The following ZFPM1 variants were observed in gnomAD, a reference collection of about 807,000 sequenced individuals.
ZFPM1 encodes zinc finger protein ZFPM1.
A neutral mutation model predicts 46.3 loss-of-function variants in ZFPM1; 28 were observed. That is an observed-to-expected ratio of 0.60 (90% CI 0.45 to 0.83). ZFPM1 has a LOEUF of 0.83. ZFPM1 is among the 40% of genes least tolerant of loss of function. The pLI is 0.00. For synonymous variants in ZFPM1, 957 were observed against 675.9 expected (o/e 1.42, Z -6.45); for missense variants, 1,878 against 1,432.4 (o/e 1.31, Z -5.02).
intron 4 of ZFPM1, among the ~76,000 whole-genome samples, chr16:88,521,369 G>A (rs77953529): frequency 1.0e-3 from 159 of 152,080 alleles, no homozygotes; most frequent in African/African-American, 2.9e-3. Flanking sequence ...AGGCTCTGGG[G>A]CTCCCTGCAT....
At chr16:88,484,495 T>TGCTGTGACCATGGG (rs1909108962) in intron 1 of ZFPM1, among the ~76,000 whole-genome samples, 1 of 152,220 alleles carries the variant, frequency 6.6e-6, no homozygotes, top group Non-Finnish European at 1.5e-5. Flanking sequence ...TTCATTATTC[T>TGCTGTGACCATGGG]GCTGTGACCA....
chr16:88,515,025 C>T (rs924786812), intron 4 of ZFPM1, among the ~76,000 whole-genome samples: 1 of 152,232 alleles, frequency 6.6e-6, no homozygotes, highest in African/African-American at 2.4e-5. Context: ...CCTTCCAAGG[C>T]AGCCCCTTGC....
intron 1 of ZFPM1, among the ~76,000 whole-genome samples, chr16:88,481,320 C>T (rs1216748129): frequency 2.0e-5 from 3 of 152,126 alleles, no homozygotes; most frequent in Non-Finnish European, 4.4e-5. Flanking sequence ...GCAGGTGGTC[C>T]CAGGGCGAGG....
At chr16:88,517,242 G>GGA (rs1170097833) in intron 4 of ZFPM1, among the ~76,000 whole-genome samples, 929 of 56,892 alleles carry the variant, frequency 0.016, 20 homozygotes, top group Admixed American at 0.042. Context: ...GGGTGGGTGG[G>GGA]TGGATGGATG....
chr16:88,507,264 G>T (rs376170230), intron 3 of ZFPM1, among the ~76,000 whole-genome samples: 1 of 152,098 alleles, frequency 6.6e-6, no homozygotes, highest in African/African-American at 2.4e-5. Flanking sequence ...CAGGAGAAAC[G>T]GTCCCCATCA....
chr16:88,534,492 CGCCCGGCGCGCTCGGCCT>C lies in ZFPM1; in HGVS notation c.2540_2557del (p.Gly847_Pro852del). 1 of 1,466,560 alleles carries C rather than the reference CGCCCGGCGCGCTCGGCCT, an allele frequency of 6.8e-7. No individual in the cohort carries two copies. The allele number at this position is 1,466,560 out of a possible 1,614,324, so 90.8% of individuals were successfully genotyped here. A position where few individuals can be genotyped will look rare whatever the true frequency, so the allele number is the denominator to read the frequency against. On this transcript the variant is annotated inframe_deletion, in exon 10 of 10. Transcript: ENST00000319555. The stretch of plus-strand genomic sequence containing the variant: ...AAGTACTCGTGCCCCGCTGCGCCAC[CGCCCGGCGCGCTCGGCCT>C]GCCCGCCGCCGCCTGCCCCTACTGC...
intron 1 of ZFPM1, among the ~76,000 whole-genome samples, chr16:88,475,230 C>T (rs867842740): frequency 7.9e-5 from 12 of 152,366 alleles, no homozygotes; most frequent in African/African-American, 1.4e-4. Flanking sequence ...CGAGGGTGCC[C>T]TGGCTTCAGC....
Position 88,532,595 on chromosome 16 carries a change from T to TA in ZFPM1, c.947-18dup, listed in dbSNP as rs1912878539. Reference sequence around the variant, plus strand: ...GTTAAGCTGGCCCGGGCACCGCTCTTACGCGCCCTGTGTTCCAGGAGAGCG... The same window carrying TA: ...GTTAAGCTGGCCCGGGCACCGCTCTTAACGCGCCCTGTGTTCCAGGAGAGCG... On this transcript the variant is annotated intron_variant, in intron 7 of 9. Coordinates refer to ENST00000319555, the MANE Select transcript of ZFPM1 (RefSeq NM_153813.3). 9.0e-6 allele frequency: 14 copies of TA among 1,552,794 alleles called. No individual in the cohort carries two copies. Among genetic ancestry groups the TA allele is most frequent in the Non-Finnish European group, 1.2e-5 (14 of 1,147,934 alleles).
In ZFPM1 at chr16:88,493,100, CGG is replaced by C. The variant is rs1567537429; in HGVS notation, c.268+3950_268+3951del. Among the ~76,000 whole-genome samples, 175 of 113,836 alleles carry C rather than the reference CGG, an allele frequency of 1.5e-3. 2 individuals are homozygous for C. The highest frequency in any genetic ancestry group is 6.0e-3 in the African/African-American group (170 of 28,442). 74.7% of individuals were successfully genotyped at this position (113,836 alleles called of 152,430 possible). ...GGGTGCGGGGAGCTGTCCCGGGGTG[CGG>C]GGAGCTGTCCCGGGGTGGGGGGAGC... On this transcript the variant is annotated intron_variant, in intron 3 of 9. Transcript: ENST00000319555.
In ZFPM1 at chr16:88,453,553, CCCGCGGCCCCG is replaced by C. The variant is rs1305943704; in HGVS notation, c.-80_-70del. On this transcript the variant is annotated 5_prime_UTR_variant, in exon 1 of 10. An upstream open reading frame in the 5' UTR loses its in-frame stop. Transcript: ENST00000319555. ...ACCGGGGGCCGGGGGCATGAGCGGC[CCCGCGGCCCCG>C]CCGCGCCCCCGCCGCCCGCCGCCGC... 3.0e-5 allele frequency: 21 copies of C among 704,956 alleles called. No homozygotes were observed. Among genetic ancestry groups the C allele is most frequent in the South Asian group, 6.2e-5 (1 of 16,224 alleles). The allele number at this position is 704,956 out of a possible 1,614,324, so 43.7% of individuals were successfully genotyped here. A position where few individuals can be genotyped will look rare whatever the true frequency, so the allele number is the denominator to read the frequency against.
chr16:88,489,912 C>T (rs1215017547), intron 3 of ZFPM1, among the ~76,000 whole-genome samples: 1 of 141,770 alleles, frequency 7.1e-6, no homozygotes, highest in Non-Finnish European at 1.5e-5. Context: ...TGGCCAAGGC[C>T]GTCATGGGAG....
In ZFPM1 at chr16:88,463,358, T is replaced by C. The variant is rs568263117; in HGVS notation, c.40+9680T>C. On this transcript the variant is annotated intron_variant, in intron 1 of 9. Coordinates refer to ENST00000319555, the MANE Select transcript of ZFPM1 (RefSeq NM_153813.3). The stretch of plus-strand genomic sequence containing the variant: ...CCTCTGGCAGCAGGCGCCCAGACCC[T>C]CGTGATGGGAGGGGAAGCCAAGACT... 9.9e-5 allele frequency among the ~76,000 whole-genome samples: 15 copies of C among 152,206 alleles called. No individual in the cohort carries two copies. The South Asian group carries it at 2.5e-3, about 25-fold the overall frequency.
At chr16:88,508,597 G>A (rs1473531331) in intron 3 of ZFPM1, among the ~76,000 whole-genome samples, 1 of 152,252 alleles carries the variant, frequency 6.6e-6, no homozygotes. Flanking sequence ...CCTGCCGTGG[G>A]CCCTGGTTGG....
rs1909972631 is a variant in ZFPM1 at position 88,497,106 on chromosome 16, C to G, written c.268+7953C>G. ...GGACAAGGTGAATTCCAGCTGATCA[C>G]ACAAGTCGTGACTTTTCCATCCCCA... On this transcript the variant is annotated intron_variant, in intron 3 of 9. Transcript: ENST00000319555. This position sits in a 1 kb window ranked among gnomAD's most constrained non-coding sequence, Gnocchi z 5.4. 6.6e-6 allele frequency among the ~76,000 whole-genome samples: 1 copy of G among 152,230 alleles called. No individual in the cohort carries two copies. Among genetic ancestry groups the G allele is most frequent in the Admixed American group, 6.5e-5 (1 of 15,294 alleles).
rs538409588 is a variant in ZFPM1, at chr16:88,531,218, G to C, written c.713-784G>C. ...CTTCCCTTCCCTGTCTTCAGCCAAGGGGCCATGGGCAGATGGGGCAGGGCT... is the reference window on the plus strand; with the variant it reads ...CTTCCCTTCCCTGTCTTCAGCCAAGCGGCCATGGGCAGATGGGGCAGGGCT... On this transcript the variant is annotated intron_variant, in intron 6 of 9. Transcript: ENST00000319555. 3.3e-5 allele frequency among the ~76,000 whole-genome samples: 5 copies of C among 152,332 alleles called. No homozygotes were observed. The East Asian group carries it at 5.8e-4, about 18-fold the overall frequency.
intron 1 of ZFPM1, among the ~76,000 whole-genome samples, chr16:88,481,020 A>C (rs1341248176): frequency 6.6e-6 from 1 of 152,248 alleles, no homozygotes. Context: ...GAGTTGATGA[A>C]ATTCCGCTAT....
At position 88,533,964 on chromosome 16, in the gene ZFPM1, C is replaced by G; in HGVS notation, c.2006C>G (p.Pro669Arg). 1 of 1,307,428 alleles carries G rather than the reference C, an allele frequency of 7.6e-7. No homozygotes were observed. Among genetic ancestry groups the G allele is most frequent in the South Asian group, 1.3e-5 (1 of 77,392 alleles). 81.0% of individuals were successfully genotyped at this position (1,307,428 alleles called of 1,614,324 possible). A position where few individuals can be genotyped will look rare whatever the true frequency, so the allele number is the denominator to read the frequency against. ...GGRGSEGSQS[P>R]GSSVDDAEDD... ...CGGGGCAGCGAGGGCAGCCAGAGCC[C>G]GGGTAGCTCCGTGGACGACGCGGAG... The change falls in exon 10 of 10, where the codon CCG (proline) becomes CGG (arginine). Residue 669 changes from proline to arginine, a missense_variant. By Grantham distance (103) the Pro-to-Arg change is moderately radical. Transcript: ENST00000319555.
intron 2 of ZFPM1, among the ~76,000 whole-genome samples, chr16:88,488,286 G>A (rs577796252): frequency 5.0e-4 from 76 of 152,150 alleles, no homozygotes; most frequent in South Asian, 3.9e-3. Context: ...AGCCAGGGCC[G>A]CATGGGGGCG....
rs1267467890 is a variant in ZFPM1, at chr16:88,514,430, G to A, written c.312G>A (p.Arg104=). 6.4e-7 allele frequency: 1 copy of A among 1,559,854 alleles called. No individual in the cohort carries two copies. The highest frequency in any genetic ancestry group is 1.4e-5 in the African/African-American group (1 of 73,792). The change falls in exon 4 of 10, where the codon CGG becomes CGA. Residue 104 remains arginine, a synonymous_variant. Coordinates refer to ENST00000319555, the MANE Select transcript of ZFPM1 (RefSeq NM_153813.3). ...PVVQDGQRRI[R]ARLSLATGLS... is the part of the protein sequence containing the mutation. ...TGCAGGATGGGCAGAGGCGCATACG[G>A]GCCCGACTCAGCCTCGCCACGGGCC...
Sources: allele counts gnomAD v4.1 joint callset (sites outside exome capture counted in the v4.1 genomes callset), GRCh38; gene constraint gnomAD v4.1.1; non-coding constraint Gnocchi (gnomAD v3.1); transcripts MANE v1.5; gene names NCBI Gene and HGNC (gene_info 2026-07-23, HGNC 2026-07-21).